The following BICRAL variants were observed in gnomAD, a reference collection of about 807,000 sequenced individuals.
BICRAL encodes the protein BICRA like chromatin remodeling complex associated protein.
Under a neutral mutation model 91.8 loss-of-function variants are expected in BICRAL, and 8 were observed. That is an observed-to-expected ratio of 0.09 (90% CI 0.05 to 0.16). The LOEUF is 0.16. BICRAL is among the 10% of genes least tolerant of loss of function. The pLI, the probability that BICRAL is intolerant of heterozygous loss-of-function variation, is 1.00. For synonymous variants in BICRAL, 445 were observed against 491.1 expected, an observed-to-expected ratio of 0.91 and a Z score of 1.24; for missense variants, 1,038 against 1,310.9, an observed-to-expected ratio of 0.79 and a Z score of 3.21.
intron 6 of BICRAL, among the ~76,000 whole-genome samples, chr6:42,830,520 TG>T (rs1373244375): frequency 6.6e-6 from 1 of 152,002 alleles, no homozygotes; most frequent in Non-Finnish European, 1.5e-5. Context: ...GAGCCATGAT[TG>T]TACCACTGCA....
chr6:42,780,008 G>A (rs771718756), upstream of BICRAL, among the ~76,000 whole-genome samples: 5 of 151,982 alleles, frequency 3.3e-5, no homozygotes, highest in African/African-American at 4.8e-5. Flanking sequence ...TCAAGCAGTC[G>A]TCCTGCCTCA....
At chr6:42,834,232 A>G (rs1350021831) in intron 6 of BICRAL, among the ~76,000 whole-genome samples, 1 of 152,232 alleles carries the variant, frequency 6.6e-6, no homozygotes, top group Non-Finnish European at 1.5e-5. Flanking sequence ...GGATTGCCAC[A>G]GAAGTGAGGT....
intron 6 of BICRAL, among the ~76,000 whole-genome samples, chr6:42,835,008 A>G (rs1330320537): frequency 2.6e-5 from 4 of 152,178 alleles, no homozygotes; most frequent in Admixed American, 1.3e-4. Flanking sequence ...CTGTGAATCT[A>G]TATTAAAAGC....
In BICRAL at chr6:42,776,430, C is replaced by T. The variant is rs181928815; in HGVS notation, c.-260-5409C>T. ...TGGCTTGATCATGGCTCACTACAGACTCAACCTCCCAGACTCAAGTGATCC... is the reference window on the plus strand; with the variant it reads ...TGGCTTGATCATGGCTCACTACAGATTCAACCTCCCAGACTCAAGTGATCC... On this transcript the variant is annotated intron_variant, in intron 1 of 14. Transcript: ENST00000614467. Among the ~76,000 whole-genome samples the T allele has an allele frequency of 1.1e-3, 174 of 152,174 alleles. 1 individual carries two copies. The highest frequency in any genetic ancestry group is 0.011 in the Admixed American group (172 of 15,270).
intron 6 of BICRAL, among the ~76,000 whole-genome samples, chr6:42,841,292 G>A (rs1354885434): frequency 1.4e-5 from 2 of 147,392 alleles, no homozygotes; most frequent in Non-Finnish European, 3.0e-5. Context: ...GGGTTCAAGC[G>A]ATTCTCCTGC....
At chr6:42,762,494 A>G (rs749946763) in intron 1 of BICRAL, among the ~76,000 whole-genome samples, 3 of 152,210 alleles carry the variant, frequency 2.0e-5, no homozygotes, top group Non-Finnish European at 2.9e-5. Flanking sequence ...AGATAAGGGC[A>G]TGTAAAACAC....
chr6:42,804,175 G>A (rs1216268471), intron 1 of BICRAL, among the ~76,000 whole-genome samples: 3 of 152,020 alleles, frequency 2.0e-5, no homozygotes, highest in Admixed American at 6.6e-5. Flanking sequence ...GGCATGTGCC[G>A]CCATGCCCAG....
In BICRAL at chr6:42,793,971, T is replaced by C. The variant is rs1486906794; in HGVS notation, c.-102+11870T>C. On this transcript the variant is annotated intron_variant, in intron 1 of 12. Coordinates refer to ENST00000314073, the MANE Select transcript of BICRAL (RefSeq NM_001393499.1). The stretch of plus-strand genomic sequence containing the variant: ...TCTCGAACTCCTGGACAAGATGACA[T>C]TTTTATTTTTATTTTTATTTTTATT... Among the ~76,000 whole-genome samples the C allele has an allele frequency of 3.4e-4, 15 of 43,832 alleles. No homozygotes were observed. The East Asian group carries it at 0.012, about 34-fold the overall frequency. The allele number at this position is 43,832 out of a possible 152,430, so 28.8% of individuals were successfully genotyped here.
chr6:42,839,817 A>T (rs1327578339), intron 6 of BICRAL, among the ~76,000 whole-genome samples: 1 of 152,128 alleles, frequency 6.6e-6, no homozygotes, highest in African/African-American at 2.4e-5. Flanking sequence ...TACTTTTGAC[A>T]TGTCTTCACC....
chr6:42,774,764 A>G (rs550536441), intron 1 of BICRAL, among the ~76,000 whole-genome samples: 2 of 152,280 alleles, frequency 1.3e-5, no homozygotes, highest in South Asian at 2.1e-4. Context: ...AAAGTGCTCA[A>G]GTAAGAATGT....
intron 1 of BICRAL, among the ~76,000 whole-genome samples, chr6:42,747,186 C>T (rs1210335340): frequency 1.3e-5 from 2 of 152,174 alleles, no homozygotes; most frequent in Admixed American, 6.5e-5. Flanking sequence ...GGGTGGGCAG[C>T]CAAGACGGCG....
chr6:42,783,956 C>T (rs1763022526), intron 1 of BICRAL, among the ~76,000 whole-genome samples: 1 of 152,106 alleles, frequency 6.6e-6, no homozygotes, highest in Non-Finnish European at 1.5e-5. Context: ...AGAGTCCAAC[C>T]AGGTTACAAA....
At chr6:42,821,037 C>G (rs556329464) in intron 2 of BICRAL, 2 of 152,258 alleles carry the variant, frequency 1.3e-5, no homozygotes, top group Admixed American at 1.3e-4. Context: ...CTTCTGCCTT[C>G]GGGCGTGTCC....
rs1382812004 is a variant in BICRAL, at chr6:42,864,928, A to C, written c.2722A>C (p.Lys908Gln). 2 of 1,614,200 alleles carry C rather than the reference A, an allele frequency of 1.2e-6. No individual in the cohort carries two copies. Among genetic ancestry groups the C allele is most frequent in the Non-Finnish European group, 1.7e-6 (2 of 1,180,042 alleles). The part of the protein sequence containing the change: ...ECLGRALKFD[K>Q]VGLVQYQSTS... ...CCTTGGCAGAGCACTGAAATTTGAC[A>C]AAGTGGGCTTAGTGCAGTACCAGAG... Residue 908 changes from lysine to glutamine, a missense_variant, in exon 13 of 13, where the codon AAA becomes CAA. Transcript: ENST00000314073.
intron 7 of BICRAL, chr6:42,852,399 C>T (rs770102983): frequency 1.2e-4 from 82 of 667,376 alleles, no homozygotes; most frequent in Admixed American, 1.2e-3. Context: ...CGGTGGCTCA[C>T]GCCTGTAATG....
In BICRAL at chr6:42,857,322, C is replaced by T. The variant is rs545866039; in HGVS notation, c.2254+86C>T. The stretch of plus-strand genomic sequence containing the variant: ...CCCAGAAAAGCAAGAGCCACATCAC[C>T]CCCAGATGGTAGGCAGGTTATTGTT... On this transcript the variant is annotated intron_variant, in intron 10 of 12. Transcript: ENST00000314073. The T allele has an allele frequency of 1.2e-4, 130 of 1,065,498 alleles. No individual in the cohort carries two copies. In the African/African-American group the frequency reaches 1.8e-3, roughly 15 times the overall value. 66.0% of individuals were successfully genotyped at this position (1,065,498 alleles called of 1,614,324 possible). A position where few individuals can be genotyped will look rare whatever the true frequency, so the allele number is the denominator to read the frequency against.
At chr6:42,862,030 A>G (rs900539279) in intron 11 of BICRAL, among the ~76,000 whole-genome samples, 1 of 151,378 alleles carries the variant, frequency 6.6e-6, no homozygotes, top group Non-Finnish European at 1.5e-5. Flanking sequence ...AAATAATGCC[A>G]CCAAAGTCTG....
chr6:42,844,130 G>A (rs1231261265), intron 6 of BICRAL, among the ~76,000 whole-genome samples: 1 of 150,854 alleles, frequency 6.6e-6, no homozygotes, highest in East Asian at 2.0e-4. Flanking sequence ...GAAGCAATGG[G>A]AGTGGAGGAA....
chr6:42,804,084 A>G (rs891599212), intron 1 of BICRAL, among the ~76,000 whole-genome samples: 9 of 152,310 alleles, frequency 5.9e-5, no homozygotes, highest in Admixed American at 5.9e-4. Context: ...GTGCAATGGC[A>G]TGATCTCTGC....
Sources: allele counts gnomAD v4.1 joint callset (sites outside exome capture counted in the v4.1 genomes callset), GRCh38; gene constraint gnomAD v4.1.1; transcripts MANE v1.5; gene names NCBI Gene and HGNC (gene_info 2026-07-23, HGNC 2026-07-21).